The following DENND3 variants were observed in gnomAD, a reference collection of about 807,000 sequenced individuals.
DENND3 encodes the protein DENN domain-containing protein 3.
Under a neutral mutation model 135.1 loss-of-function variants are expected in DENND3, and 88 were observed. The ratio of observed to expected loss-of-function variants is 0.65; its 90% CI spans 0.55 to 0.78. The LOEUF is 0.78. DENND3 is among the 30% of genes least tolerant of loss of function. The pLI, the probability that DENND3 is intolerant of heterozygous loss-of-function variation, is 0.00. For synonymous variants in DENND3, 693 were observed against 712.3 expected (o/e 0.97, Z 0.43); for missense variants, 1,392 against 1,688.4 (o/e 0.82, Z 3.08).
chr8:141,177,996 TGCAACA>T, intron 15 of DENND3, 65 bp from the exon 16 acceptor site: 2 of 1,527,776 alleles, frequency 1.3e-6, no homozygotes, highest in Non-Finnish European at 1.8e-6. Flanking sequence ...TCCTGTGTGT[TGCAACA>T]AGGTCTCCGG....
rs1569555230 is a variant in DENND3 at position 141,141,361 on chromosome 8, G to A, written c.623+37G>A. ...CACCGGGGGCCAGGGGTGGTAGGGG[G>A]CAGCTCTTTGTGCCTCTCCAGGTGA... On this transcript the variant is annotated intron_variant, in intron 4 of 22. Transcript: ENST00000519811. The surrounding 1 kb of genome is among the most constrained non-coding windows in gnomAD (Gnocchi z 5.3). 6.2e-7 allele frequency: 1 copy of A among 1,601,482 alleles called. No individual in the cohort carries two copies. Among genetic ancestry groups the A allele is most frequent in the East Asian group, 2.3e-5 (1 of 44,150 alleles).
intron 18 of DENND3, chr8:141,188,555 C>T (rs181302096): frequency 3.7e-5 from 6 of 162,288 alleles, no homozygotes; most frequent in East Asian, 1.9e-4. Flanking sequence ...GTCCTCTCCT[C>T]GGCCTGATTG....
At position 141,180,257 on chromosome 8, in the gene DENND3, G is replaced by A. The variant is rs7817876; in HGVS notation, c.2837-490G>A. 7.6e-3 allele frequency among the ~76,000 whole-genome samples: 1,162 copies of A among 152,270 alleles called. 27 individuals are homozygous for A. Among genetic ancestry groups the A allele is most frequent in the African/African-American group, 0.027 (1,118 of 41,538 alleles). ...ATGGCACACAGGATGCTGGGCATTC[G>A]CCCACAGCCAGGATTATCCAGCCCA... On this transcript the variant is annotated intron_variant, in intron 16 of 22. Transcript: ENST00000519811.
rs1240524627 is a variant in DENND3, at chr8:141,185,130, C to T, written c.2945-9C>T. ...CCTCCTAACAGTTTTGTGCTGCTCT[C>T]CTCTTTAGGGCATCTTGACCCAGCC... On this transcript the variant is annotated splice_polypyrimidine_tract_variant and intron_variant, in intron 17 of 22. Coordinates refer to ENST00000519811, the MANE Select transcript of DENND3 (RefSeq NM_001352890.3). The T allele has an allele frequency of 1.2e-6, 2 of 1,611,682 alleles. No individual in the cohort carries two copies. Among genetic ancestry groups the T allele is most frequent in the Non-Finnish European group, 1.7e-6 (2 of 1,178,226 alleles).
At chr8:141,164,285 A>C (rs1020162122) in intron 10 of DENND3, among the ~76,000 whole-genome samples, 2 of 152,200 alleles carry the variant, frequency 1.3e-5, no homozygotes, top group African/African-American at 2.4e-5. Context: ...TCCACCTGCT[A>C]CTGAGCATTG....
rs1307124227 is a variant in DENND3 at position 141,146,638 on chromosome 8, CAT to C, written c.735+2380_735+2381del. 6.6e-6 allele frequency among the ~76,000 whole-genome samples: 1 copy of C among 152,156 alleles called. No homozygotes were observed. The highest frequency in any genetic ancestry group is 1.5e-5 in the Non-Finnish European group (1 of 68,028). ...AATAAGTTTCTTGTATCAAAAGACA[CAT>C]GATTGTGAACTTAAAATGTGCGTTT... On this transcript the variant is annotated intron_variant, in intron 5 of 22. Transcript: ENST00000519811. This position sits in a 1 kb window ranked among gnomAD's most constrained non-coding sequence, Gnocchi z 4.3.
chr8:141,181,077 A>G (rs1823035957), intron 17 of DENND3, among the ~76,000 whole-genome samples: 1 of 152,174 alleles, frequency 6.6e-6, no homozygotes, highest in Non-Finnish European at 1.5e-5. Context: ...CAGAGAGCCC[A>G]CGGGAGATGG....
intron 8 of DENND3, among the ~76,000 whole-genome samples, chr8:141,159,567 T>A (rs896344275): frequency 2.0e-5 from 3 of 152,194 alleles, no homozygotes; most frequent in African/African-American, 7.2e-5. Context: ...TTGTCTCTTT[T>A]CCTACTTCCT....
chr8:141,176,918 A>G (rs1822446436), intron 15 of DENND3, among the ~76,000 whole-genome samples, 157 bp downstream of exon 15: 1 of 152,176 alleles, frequency 6.6e-6, no homozygotes, highest in South Asian at 2.1e-4. Context: ...TGACAGAAGC[A>G]TTGAAGATGT....
chr8:141,144,751 C>T lies in DENND3; in HGVS notation c.735+492C>T, dbSNP rs534007519. 2.0e-5 allele frequency among the ~76,000 whole-genome samples: 3 copies of T among 152,120 alleles called. No homozygotes were observed. Among genetic ancestry groups the T allele is most frequent in the Non-Finnish European group, 2.9e-5 (2 of 67,990 alleles). On this transcript the variant is annotated intron_variant, in intron 5 of 22. Transcript: ENST00000519811. This position sits in a 1 kb window ranked among gnomAD's most constrained non-coding sequence, Gnocchi z 4.4. ...TAGGTTAAAATGGAGATCCTAAGAC[C>T]GACAGAACAGACTCTCTGTGGCCAT...
rs1204781676 is a variant in DENND3, at chr8:141,189,016, G to C, written c.3115G>C (p.Val1039Leu). 1.2e-6 allele frequency: 2 copies of C among 1,613,982 alleles called. No individual in the cohort carries two copies. Among genetic ancestry groups the C allele is most frequent in the East Asian group, 4.5e-5 (2 of 44,896 alleles). Residue 1039 changes from valine (V) to leucine (L), a missense_variant, in exon 19 of 23, where the codon GTG (valine) becomes CTG (leucine). Coordinates refer to ENST00000519811, the MANE Select transcript of DENND3 (RefSeq NM_001352890.3). ...CATGGTGATGGCCGACCAGAACCAGGTGTGGGTTGGCTCGGAAGACTCCGT... is the reference window on the plus strand; with the variant it reads ...CATGGTGATGGCCGACCAGAACCAGCTGTGGGTTGGCTCGGAAGACTCCGT... ...NCMVMADQNQ[V>L]WVGSEDSVIY...
At chr8:141,164,167 C>G (rs778607646) in intron 10 of DENND3, among the ~76,000 whole-genome samples, 1 of 152,218 alleles carries the variant, frequency 6.6e-6, no homozygotes, top group African/African-American at 2.4e-5. Context: ...GCCTCTCTCC[C>G]TCAGCCTCCT....
In DENND3 at chr8:141,130,551, G is replaced by A. The variant is rs1378330195; in HGVS notation, c.102+1742G>A. On this transcript the variant is annotated intron_variant, in intron 1 of 22. Transcript: ENST00000519811. This position sits in a 1 kb window ranked among gnomAD's most constrained non-coding sequence, Gnocchi z 4.2. ...GTGAAGGACTAAGAAAATAAGGAGC[G>A]TTAGGGGATGGATTCCATTTCTTGG... 2.6e-5 allele frequency among the ~76,000 whole-genome samples: 4 copies of A among 152,142 alleles called. No homozygotes were observed. Among genetic ancestry groups the A allele is most frequent in the African/African-American group, 7.2e-5 (3 of 41,426 alleles).
chr8:141,145,270 T>C (rs1345533304), intron 5 of DENND3, among the ~76,000 whole-genome samples: 1 of 152,188 alleles, frequency 6.6e-6, no homozygotes, highest in African/African-American at 2.4e-5. Context: ...TCTCAACCAA[T>C]TGCCAAGTAA....
Position 141,167,960 on chromosome 8 carries a change from GA to G in DENND3, c.1754-42del. ...TGTGACAGGGACACGTGTTCATTTG[GA>G]AGGTCTGTGCTAATGGTCTCCTTTT... On this transcript the variant is annotated intron_variant, in intron 12 of 22. Transcript: ENST00000519811. This position sits in a 1 kb window ranked among gnomAD's most constrained non-coding sequence, Gnocchi z 4.1. 6.4e-7 allele frequency: 1 copy of G among 1,559,196 alleles called. No individual in the cohort carries two copies. The highest frequency in any genetic ancestry group is 8.7e-7 in the Non-Finnish European group (1 of 1,151,068).
chr8:141,143,488 T>A (rs1196510527), intron 4 of DENND3, among the ~76,000 whole-genome samples: 1 of 152,210 alleles, frequency 6.6e-6, no homozygotes, highest in Non-Finnish European at 1.5e-5. Context: ...CACTGCATCC[T>A]CAAACTCCCG....
Position 141,190,332 on chromosome 8 carries a change from G to A in DENND3, c.3294G>A (p.Val1098=), listed in dbSNP as rs1824549024. The A allele has an allele frequency of 6.2e-7, 1 of 1,613,402 alleles. No individual in the cohort carries two copies. The highest frequency in any genetic ancestry group is 8.5e-7 in the Non-Finnish European group (1 of 1,179,824). ...SMDGMVLVWN[V]STLQVTSRFQ... ...ACGGCATGGTGCTGGTGTGGAATGTGAGCACACTGCAGGTGACCAGCCGCT... is the reference window on the plus strand; with the variant it reads ...ACGGCATGGTGCTGGTGTGGAATGTAAGCACACTGCAGGTGACCAGCCGCT... Residue 1098 remains valine, a synonymous_variant, in exon 20 of 23, where the codon GTG becomes GTA. Transcript: ENST00000519811.
Position 141,195,726 on chromosome 8 carries a change from T to A in DENND3, c.*1493T>A, listed in dbSNP as rs1399271131. On this transcript the variant is annotated 3_prime_UTR_variant, in exon 23 of 23. Coordinates refer to ENST00000519811, the MANE Select transcript of DENND3 (RefSeq NM_001352890.3). ...AAAAGTCTGTCAGTCAAAAATACAT[T>A]TATAAATTATTTAATGCCAGTCCTC... 3 of 152,182 alleles carry A rather than the reference T, an allele frequency of 2.0e-5. No individual in the cohort carries two copies. Among genetic ancestry groups the A allele is most frequent in the Non-Finnish European group, 4.4e-5 (3 of 68,034 alleles). The allele number at this position is 152,182 out of a possible 1,614,324, so 9.4% of individuals were successfully genotyped here. A position where few individuals can be genotyped will look rare whatever the true frequency, so the allele number is the denominator to read the frequency against.
chr8:141,190,443 C>T lies in DENND3; in HGVS notation c.3379+26C>T, dbSNP rs532045108. Reference sequence around the variant, plus strand: ...GTAAGTCCGGCCCCTGCCATCAGAGCGGGCACCCTACCTCCCTGCTCTGGG... The same window carrying T: ...GTAAGTCCGGCCCCTGCCATCAGAGTGGGCACCCTACCTCCCTGCTCTGGG... On this transcript the variant is annotated intron_variant, in intron 20 of 22. Transcript: ENST00000519811. 163 of 1,588,996 alleles carry T rather than the reference C, an allele frequency of 1.0e-4. 2 individuals are homozygous for T. In the South Asian group the frequency reaches 1.3e-3, roughly 13 times the overall value.
Sources: gnomAD v4.1 joint callset for allele counts (sites outside exome capture counted in the v4.1 genomes callset) on GRCh38, gnomAD v4.1.1 for gene constraint, Gnocchi (gnomAD v3.1) non-coding constraint, MANE v1.5 for transcripts, NCBI Gene and HGNC (gene_info 2026-07-23, HGNC 2026-07-21) for gene names.